DIP2C: variants seen among roughly 807,000 people sequenced by gnomAD.
DIP2C encodes DIP2 acetate--CoA ligase C (putative), also known as disco-interacting protein 2 homolog C.
DIP2C carries 33 observed loss-of-function variants against 192.4 expected under a neutral mutation model. That is an observed-to-expected ratio of 0.17 (90% confidence interval 0.13 to 0.23). The LOEUF (loss-of-function observed/expected upper bound fraction) is 0.23. Ranked by LOEUF, DIP2C falls within the 10% of genes least tolerant of loss-of-function variation. The pLI, the probability that DIP2C is intolerant of heterozygous loss-of-function variation, is 1.00. For missense variants in DIP2C, 1,537 were observed against 2,110.1 expected, an observed-to-expected ratio of 0.73 and a Z score of 5.32; for synonymous variants, 979 against 864.1, an observed-to-expected ratio of 1.13 and a Z score of -2.33.
At chr10:580,753 A>G (rs1170198939) in intron 1 of DIP2C, among the ~76,000 whole-genome samples, 2 of 152,230 alleles carry the variant, frequency 1.3e-5, no homozygotes, top group Non-Finnish European at 2.9e-5. Flanking sequence ...AAACTGTAAT[A>G]GAAGTCATAC....
chr10:366,801 T>C lies in DIP2C; in HGVS notation c.2132-390A>G, dbSNP rs562363886. On this transcript the variant is annotated intron_variant, in intron 18 of 36. Coordinates refer to ENST00000280886, the MANE Select transcript of DIP2C (RefSeq NM_014974.3). ...TGCAAATCAAGCCTCTAATGTCTTA[T>C]GGAAATCTGAATCTTCGATTTCACA... Among the ~76,000 whole-genome samples the C allele has an allele frequency of 2.1e-3, 315 of 152,332 alleles. 1 individual carries two copies. The highest frequency in any genetic ancestry group is 0.017 in the Middle Eastern group (5 of 294).
intron 5 of DIP2C, among the ~76,000 whole-genome samples, chr10:420,639 G>A (rs1966120983): frequency 6.6e-6 from 1 of 152,168 alleles, no homozygotes; most frequent in African/African-American, 2.4e-5. Context: ...AACTAGAATG[G>A]GATTTCCTAT....
chr10:391,567 C>T (rs994000233), intron 10 of DIP2C, among the ~76,000 whole-genome samples: 6 of 152,230 alleles, frequency 3.9e-5, no homozygotes, highest in Admixed American at 1.3e-4. Context: ...GGCAGGTGGG[C>T]GAGCAGCCAA....
intron 28 of DIP2C, among the ~76,000 whole-genome samples, chr10:344,277 A>C (rs567103673): frequency 8.6e-5 from 13 of 152,020 alleles, no homozygotes; most frequent in Middle Eastern, 3.4e-3. Context: ...CCTCAGTTCT[A>C]CTAAGAGGTG....
At chr10:439,358 C>A (rs1264195923) in intron 4 of DIP2C, among the ~76,000 whole-genome samples, 2 of 152,260 alleles carry the variant, frequency 1.3e-5, no homozygotes, top group African/African-American at 4.8e-5. Flanking sequence ...GCTAGCACGG[C>A]GTTCACTCTC....
rs776132808 is a variant in DIP2C, at chr10:277,483, C to T, written c.4513G>A (p.Val1505Met). 1.9e-6 allele frequency: 3 copies of T among 1,614,182 alleles called. No individual in the cohort carries two copies. Among genetic ancestry groups the T allele is most frequent in the South Asian group, 1.1e-5 (1 of 91,078 alleles). The part of the protein sequence containing the change: ...ALDLVPLVTN[V>M]VLEEHYLIVG... ...ATCAGGTAGTGCTCCTCCAGGACCA[C>T]GTTGGTCACCAAGGGAACCAGGTCC... The change falls in exon 37 of 37, where the codon GTG becomes ATG. Residue 1505 changes from valine (V) to methionine (M), a missense_variant. This residue lies in a region of DIP2C where 341 missense variants were observed against 551.7 expected (regional missense o/e 0.62). Coordinates refer to ENST00000280886, the MANE Select transcript of DIP2C (RefSeq NM_014974.3).
intron 1 of DIP2C, chr10:668,058 T>C (rs1857213572): frequency 6.7e-6 from 1 of 150,266 alleles, no homozygotes; most frequent in Admixed American, 6.6e-5. Context: ...AACATACACA[T>C]ACAACACACT....
At chr10:443,402 A>G (rs543561704) in intron 3 of DIP2C, among the ~76,000 whole-genome samples, 84 of 152,268 alleles carry the variant, frequency 5.5e-4, no homozygotes, top group African/African-American at 2.0e-3. Flanking sequence ...TTGGTGCTCA[A>G]TTGGTTCCAG....
At chr10:335,605 C>T (rs894907528) in intron 29 of DIP2C, among the ~76,000 whole-genome samples, 14 of 152,238 alleles carry the variant, frequency 9.2e-5, no homozygotes, top group African/African-American at 3.4e-4. Flanking sequence ...AATCAGTCCC[C>T]TAACTTGGGG....
chr10:568,653 C>G (rs1271481212), intron 1 of DIP2C, among the ~76,000 whole-genome samples: 4 of 151,342 alleles, frequency 2.6e-5, no homozygotes, highest in African/African-American at 9.7e-5. Context: ...GTAGTCCCAG[C>G]TACTCGGGAG....
At chr10:606,017 C>CCA (rs2131729065) in intron 1 of DIP2C, among the ~76,000 whole-genome samples, 1 of 152,350 alleles carries the variant, frequency 6.6e-6, no homozygotes, top group South Asian at 2.1e-4. Context: ...CTCTGCAGCC[C>CCA]CACTCCACGC....
In DIP2C at chr10:666,205, A is replaced by AT. The variant is rs1857079996; in HGVS notation, c.85+23288dup. ...CTCCGAACTGGCCTTATTATTATTAATTATTCCTTCAGCACCTACCGGGAA... is the reference window on the plus strand; with the variant it reads ...CTCCGAACTGGCCTTATTATTATTAATTTATTCCTTCAGCACCTACCGGGAA... On this transcript the variant is annotated intron_variant, in intron 1 of 36. Coordinates refer to ENST00000280886, the MANE Select transcript of DIP2C (RefSeq NM_014974.3). The surrounding 1 kb of genome is among the most constrained non-coding windows in gnomAD (Gnocchi z 4.1). 6.6e-6 allele frequency: 1 copy of AT among 152,212 alleles called. No homozygotes were observed. The highest frequency in any genetic ancestry group is 1.5e-5 in the Non-Finnish European group (1 of 68,050). The allele number at this position is 152,212 out of a possible 1,614,324, so 9.4% of individuals were successfully genotyped here.
At chr10:436,717 A>C (rs1409683433) in intron 4 of DIP2C, among the ~76,000 whole-genome samples, 3 of 131,276 alleles carry the variant, frequency 2.3e-5, no homozygotes, top group African/African-American at 9.2e-5. Context: ...CTCCACCCAC[A>C]CCTGAGATCT....
intron 16 of DIP2C, among the ~76,000 whole-genome samples, chr10:383,472 C>T (rs1962565828): frequency 1.3e-5 from 2 of 152,160 alleles, no homozygotes; most frequent in Admixed American, 6.5e-5. Flanking sequence ...TGAAATATTT[C>T]TCAAGGTGTA....
intron 36 of DIP2C, among the ~76,000 whole-genome samples, chr10:278,369 T>C (rs1158016130): frequency 6.6e-6 from 1 of 152,212 alleles, no homozygotes; most frequent in Admixed American, 6.5e-5. Flanking sequence ...CAGCCTGTGT[T>C]AGGGAGATGA....
intron 1 of DIP2C, among the ~76,000 whole-genome samples, chr10:673,721 A>G (rs1830752695): frequency 6.6e-6 from 1 of 152,052 alleles, no homozygotes; most frequent in Admixed American, 6.6e-5. Flanking sequence ...TGACTTACAC[A>G]CTTCCCAGAA....
rs1276064735 is a variant in DIP2C, at chr10:363,683, A to T, written c.2478-372T>A. On this transcript the variant is annotated intron_variant, in intron 20 of 36. Transcript: ENST00000280886. This position sits in a 1 kb window ranked among gnomAD's most constrained non-coding sequence, Gnocchi z 5.4. ...CACCCGTGAAGTTAACGGTCTCCAA[A>T]TCAGTAGAAATTTGCCGTTTCAGAA... 6.6e-6 allele frequency among the ~76,000 whole-genome samples: 1 copy of T among 152,200 alleles called. No individual in the cohort carries two copies. The highest frequency in any genetic ancestry group is 1.5e-5 in the Non-Finnish European group (1 of 68,034).
intron 1 of DIP2C, among the ~76,000 whole-genome samples, chr10:591,415 A>G (rs1210987522): frequency 1.3e-5 from 2 of 152,160 alleles, no homozygotes; most frequent in African/African-American, 2.4e-5. Context: ...GTGAGCCACC[A>G]TGCCCTGCCA....
At chr10:300,590 G>A (rs1247706678) in intron 32 of DIP2C, among the ~76,000 whole-genome samples, 2 of 152,020 alleles carry the variant, frequency 1.3e-5, no homozygotes, top group Admixed American at 1.3e-4. Context: ...CGGAAACCAG[G>A]CACGGCCCTG....
Sources: gnomAD v4.1 joint callset for allele counts (sites outside exome capture counted in the v4.1 genomes callset) on GRCh38, gnomAD v4.1.1 for gene constraint, gnomAD v4.1.1 regional missense constraint, Gnocchi (gnomAD v3.1) non-coding constraint, MANE v1.5 for transcripts, NCBI Gene and HGNC (gene_info 2026-07-23, HGNC 2026-07-21) for gene names.